The following FER1L5 variants were observed in gnomAD, a reference collection of about 807,000 sequenced individuals.
FER1L5 encodes fer-1 like family member 5.
FER1L5 carries 187 observed loss-of-function variants against 279.9 expected under a neutral mutation model. The ratio of observed to expected loss-of-function variants is 0.67; its 90% CI spans 0.59 to 0.75. FER1L5 has a LOEUF of 0.75. Among genes scored for constraint, FER1L5 ranks in the 30% least tolerant of loss-of-function variants. FER1L5 has a pLI of 0.00. For synonymous variants in FER1L5, 921 were observed against 989.7 expected (o/e 0.93, Z 1.30); for missense variants, 2,091 against 2,594.4 (o/e 0.81, Z 4.21).
At chr2:96,662,506 C>A (rs1490035742) in intron 13 of FER1L5, among the ~76,000 whole-genome samples, 1 of 151,992 alleles carries the variant, frequency 6.6e-6, no homozygotes, top group African/African-American at 2.4e-5. Context: ...ATGAAACATG[C>A]CAATGAGTGA....
intron 6 of FER1L5, among the ~76,000 whole-genome samples, chr2:96,651,485 C>T (rs1573781095): frequency 1.4e-5 from 2 of 145,486 alleles, no homozygotes; most frequent in African/African-American, 5.1e-5. Context: ...CCCTCCCTCC[C>T]TTCTTTCTTT....
chr2:96,669,441 G>A (rs546385808), intron 17 of FER1L5, among the ~76,000 whole-genome samples: 11 of 152,314 alleles, frequency 7.2e-5, no homozygotes, highest in African/African-American at 2.4e-4. Context: ...CAAGTGTGAG[G>A]AAGCATGAGG....
chr2:96,649,567 G>A (rs2075280451), intron 4 of FER1L5, 56 bp from the exon 5 acceptor site: 1 of 1,525,530 alleles, frequency 6.6e-7, no homozygotes, highest in South Asian at 1.2e-5. Context: ...GGGCTTGGGT[G>A]CTGTGTCCAA....
At chr2:96,649,545 C>T in intron 4 of FER1L5, 78 bp from the exon 5 acceptor site, 2 of 1,431,176 alleles carry the variant, frequency 1.4e-6, no homozygotes, top group Non-Finnish European at 1.9e-6. Context: ...GTGAACCCAA[C>T]CAGGCTGTGC....
intron 41 of FER1L5, 29 bp from the exon 42 acceptor site, chr2:96,699,016 A>G (rs2077490192): frequency 1.9e-6 from 3 of 1,589,388 alleles, no homozygotes; most frequent in Non-Finnish European, 2.6e-6. Context: ...CCCAGTTCCT[A>G]TCCTTCCCCC....
intron 42 of FER1L5, 150 bp from the exon 43 acceptor site, chr2:96,699,400 G>GT (rs2077505531): frequency 1.0e-6 from 1 of 968,010 alleles, no homozygotes. Context: ...ACCAGGGGAT[G>GT]GCGATTGGCA....
rs1409904852 is a variant in FER1L5 at position 96,685,451 on chromosome 2, G to C, written c.1895+22G>C. The C allele has an allele frequency of 7.8e-6, 12 of 1,540,032 alleles. No homozygotes were observed. In the East Asian group the frequency reaches 2.0e-4, roughly 25 times the overall value. ...GCAAGTAGGAGTAGGGGCACTCCGG[G>C]ATACAGCTGGCCTGGAGCTGAGCCA... On this transcript the variant is annotated intron_variant, in intron 21 of 52. Coordinates refer to ENST00000624922, the MANE Select transcript of FER1L5 (RefSeq NM_001293083.2).
At chr2:96,643,999 C>A (rs1388705102) in intron 1 of FER1L5, among the ~76,000 whole-genome samples, 1 of 150,530 alleles carries the variant, frequency 6.6e-6, no homozygotes, top group Non-Finnish European at 1.5e-5. Flanking sequence ...CGGTGAAACC[C>A]TATCTTTATT....
intron 14 of FER1L5, among the ~76,000 whole-genome samples, chr2:96,665,494 C>A (rs2076095746): frequency 6.6e-6 from 1 of 152,180 alleles, no homozygotes; most frequent in South Asian, 2.1e-4. Context: ...TCCCTCCCAC[C>A]TTTTCCGGCC....
chr2:96,697,455 C>T lies in FER1L5; in HGVS notation c.4084-71C>T, dbSNP rs2077422405. 35 of 1,553,728 alleles carry T rather than the reference C, an allele frequency of 2.3e-5. 1 individual carries two copies. The South Asian group carries it at 3.6e-4, about 16-fold the overall frequency. ...ACCAGGGAAGCTCTGGCCTCAACCC[C>T]CCTCTCCTCTCTGAAGTCAGAGCCC... On this transcript the variant is annotated intron_variant, in intron 37 of 52. Coordinates refer to ENST00000624922, the MANE Select transcript of FER1L5 (RefSeq NM_001293083.2).
Position 96,686,132 on chromosome 2 carries a change from C to T in FER1L5, c.2073+15C>T, listed in dbSNP as rs2076915168. 1.3e-6 allele frequency: 2 copies of T among 1,548,110 alleles called. No homozygotes were observed. The highest frequency in any genetic ancestry group is 1.7e-6 in the Non-Finnish European group (2 of 1,144,700). ...TGCTCCCTGAGGTGGGTGCTGCACACACTGGCCTGCAGCAGGGCTGGGAGC... is the reference window on the plus strand; with the variant it reads ...TGCTCCCTGAGGTGGGTGCTGCACATACTGGCCTGCAGCAGGGCTGGGAGC... On this transcript the variant is annotated intron_variant, in intron 22 of 52. Coordinates refer to ENST00000624922, the MANE Select transcript of FER1L5 (RefSeq NM_001293083.2).
At chr2:96,688,679 C>T (rs745317237) in intron 24 of FER1L5, among the ~76,000 whole-genome samples, 3 of 152,062 alleles carry the variant, frequency 2.0e-5, no homozygotes, top group East Asian at 1.9e-4. Context: ...TAACCAGCTC[C>T]GTAGGTCTTG....
intron 9 of FER1L5, among the ~76,000 whole-genome samples, chr2:96,659,407 TTC>T (rs2075811515): frequency 1.6e-4 from 1 of 6,374 alleles, no homozygotes; most frequent in Non-Finnish European, 2.9e-4. Flanking sequence ...CTTTCTTTCT[TTC>T]TTTCTTTCTT....
In FER1L5 at chr2:96,698,719, C is replaced by A. The variant is rs866819675; in HGVS notation, c.4405C>A (p.Pro1469Thr). The part of the protein sequence containing the change: ...PFPENPEAPK[P>T]PLQFLVWPER... ...TCCTGAGAATCCAGAAGCCCCAAAG[C>A]CCCCGCTGCAGTTCTTGGTTTGGCC... Residue 1469 changes from proline to threonine, a missense_variant, in exon 41 of 53, where the codon CCC (proline) becomes ACC (threonine). Pro to Thr is a conservative substitution (Grantham distance 38, BLOSUM62 -1). Transcript: ENST00000624922. The surrounding 1 kb of genome is among the most constrained non-coding windows in gnomAD (Gnocchi z 5.5). The A allele has an allele frequency of 3.2e-6, 5 of 1,582,944 alleles. No individual in the cohort carries two copies. In the South Asian group the frequency reaches 3.5e-5, roughly 11 times the overall value.
In FER1L5 at chr2:96,698,790, GGTA is replaced by G; in HGVS notation, c.4477_4479del (p.Val1493del). ...AGCCGTGCTTGGTGCGGGTGTACAT[GGTA>G]CGAGCCATCAACCTGCAGCCCCAGG... On this transcript the variant is annotated inframe_deletion, in exon 41 of 53. Coordinates refer to ENST00000624922, the MANE Select transcript of FER1L5 (RefSeq NM_001293083.2). The surrounding 1 kb of genome is among the most constrained non-coding windows in gnomAD (Gnocchi z 5.5). 6.4e-7 allele frequency: 1 copy of G among 1,566,006 alleles called. No individual in the cohort carries two copies. The highest frequency in any genetic ancestry group is 1.9e-5 in the Admixed American group (1 of 53,070).
intron 3 of FER1L5, among the ~76,000 whole-genome samples, chr2:96,647,374 T>C (rs2075178911): frequency 6.6e-6 from 1 of 152,190 alleles, no homozygotes; most frequent in African/African-American, 2.4e-5. Context: ...GCTCTGTCCA[T>C]CTGAAGCCAC....
At chr2:96,645,068 T>TA (rs1336760980) in intron 1 of FER1L5, among the ~76,000 whole-genome samples, 1 of 152,216 alleles carries the variant, frequency 6.6e-6, no homozygotes, top group Non-Finnish European at 1.5e-5. Flanking sequence ...TCTTCCTTCA[T>TA]ATGCCATCCA....
Position 96,698,293 on chromosome 2 carries a change from C to A in FER1L5, c.4356+137C>A. On this transcript the variant is annotated intron_variant, in intron 40 of 52. Coordinates refer to ENST00000624922, the MANE Select transcript of FER1L5 (RefSeq NM_001293083.2). This position sits in a 1 kb window ranked among gnomAD's most constrained non-coding sequence, Gnocchi z 5.5. The stretch of plus-strand genomic sequence containing the variant: ...TGAGAACGTTCTGGGAGTGGAGGAG[C>A]AGAGATTCGCCTCCACAGGAACTCG... 7.7e-7 allele frequency: 1 copy of A among 1,304,310 alleles called. No homozygotes were observed. The highest frequency in any genetic ancestry group is 1.0e-6 in the Non-Finnish European group (1 of 972,698). 80.8% of individuals were successfully genotyped at this position (1,304,310 alleles called of 1,614,324 possible).
intron 19 of FER1L5, among the ~76,000 whole-genome samples, chr2:96,676,656 T>G (rs2106610378): frequency 6.6e-6 from 1 of 151,568 alleles, no homozygotes; most frequent in South Asian, 2.1e-4. Context: ...TAGTATTACA[T>G]TCTATCTATT....
Sources: allele counts gnomAD v4.1 joint callset (sites outside exome capture counted in the v4.1 genomes callset), GRCh38; gene constraint gnomAD v4.1.1; non-coding constraint Gnocchi (gnomAD v3.1); transcripts MANE v1.5; gene names NCBI Gene and HGNC (gene_info 2026-07-23, HGNC 2026-07-21).